PDE4D: variants seen among roughly 807,000 people sequenced by gnomAD.
PDE4D encodes 3',5'-cyclic-AMP phosphodiesterase 4D.
PDE4D carries 24 observed loss-of-function variants against 87.4 expected under a neutral mutation model. That is an observed-to-expected ratio of 0.27 (90% CI 0.20 to 0.39). The LOEUF is 0.39. Among genes scored for constraint, PDE4D ranks in the 10% least tolerant of loss-of-function variants. The pLI is 1.00. For missense variants in PDE4D, 714 were observed against 1,041.0 expected, an observed-to-expected ratio of 0.69 and a Z score of 4.32; for synonymous variants, 384 against 383.2, an observed-to-expected ratio of 1.00 and a Z score of -0.02.
intron 1 of PDE4D, among the ~76,000 whole-genome samples, chr5:60,422,337 G>A (rs917659832): frequency 6.6e-6 from 1 of 152,200 alleles, no homozygotes; most frequent in Non-Finnish European, 1.5e-5. Flanking sequence ...CAGACAAACA[G>A]CAGCTCTCTC....
At chr5:59,168,792 T>G (rs1418793672) in intron 5 of PDE4D, among the ~76,000 whole-genome samples, 1 of 152,204 alleles carries the variant, frequency 6.6e-6, no homozygotes, top group Non-Finnish European at 1.5e-5. Context: ...TACATGCCAG[T>G]ACATTTTAGG....
intron 3 of PDE4D, among the ~76,000 whole-genome samples, chr5:59,974,380 CT>C (rs1761090890): frequency 6.6e-6 from 1 of 152,060 alleles, no homozygotes; most frequent in African/African-American, 2.4e-5. Context: ...TTAAAATAAA[CT>C]AATACTTTGA....
rs554086919 is a variant in PDE4D at position 59,642,010 on chromosome 5, T to C, written c.455+251158A>G. ...ATTAGTAAACTGGTTAACTATCTAA[T>C]GGTTCATTCTTATAAAGGAATCACC... On this transcript the variant is annotated intron_variant, in intron 1 of 14. Transcript: ENST00000340635. Among the ~76,000 whole-genome samples, 4 of 152,302 alleles carry C rather than the reference T, an allele frequency of 2.6e-5. No homozygotes were observed. In the South Asian group the frequency reaches 8.3e-4, roughly 32 times the overall value.
At chr5:59,342,751 A>C (rs1267217075) in intron 1 of PDE4D, among the ~76,000 whole-genome samples, 1 of 152,036 alleles carries the variant, frequency 6.6e-6, no homozygotes, top group Admixed American at 6.6e-5. Context: ...TAAAATATAA[A>C]GTCAGAAGTA....
At chr5:59,609,566 C>T (rs138159938) in intron 1 of PDE4D, among the ~76,000 whole-genome samples, 82 of 152,274 alleles carry the variant, frequency 5.4e-4, no homozygotes, top group African/African-American at 1.9e-3. Context: ...ACTTTCCCGA[C>T]TGTGGTGTCT....
chr5:60,423,535 A>G (rs576026072), intron 1 of PDE4D, among the ~76,000 whole-genome samples: 1 of 152,344 alleles, frequency 6.6e-6, no homozygotes, highest in South Asian at 2.1e-4. Flanking sequence ...TCTGGGACAC[A>G]TTTAAAGCAC....
chr5:60,358,172 G>A lies in PDE4D; in HGVS notation c.-90+129770C>T, dbSNP rs182407263. On this transcript the variant is annotated intron_variant, in intron 1 of 16. Coordinates refer to the PDE4D transcript ENST00000502484. Reference sequence around the variant, plus strand: ...GCTATACTGTGGTGTTCCCTTGACCGCTTCCTAGTGACTGATGTGGTTGAG... The same window carrying A: ...GCTATACTGTGGTGTTCCCTTGACCACTTCCTAGTGACTGATGTGGTTGAG... Among the ~76,000 whole-genome samples, 250 of 152,258 alleles carry A rather than the reference G, an allele frequency of 1.6e-3. 4 individuals are homozygous for A. Among genetic ancestry groups the A allele is most frequent in the Non-Finnish European group, 4.6e-4 (31 of 68,026 alleles).
chr5:59,510,487 A>C (rs1810102079), intron 1 of PDE4D, among the ~76,000 whole-genome samples: 1 of 151,860 alleles, frequency 6.6e-6, no homozygotes. Context: ...AGCAACAAAA[A>C]AATTTTAAAG....
intron 1 of PDE4D, among the ~76,000 whole-genome samples, chr5:59,821,233 A>G (rs1255184963): frequency 8.2e-6 from 1 of 121,358 alleles, no homozygotes; most frequent in Non-Finnish European, 1.8e-5. Context: ...ATTCTGTCTC[A>G]ACAGCAACAA....
chr5:59,331,415 T>C (rs189063304), intron 1 of PDE4D, among the ~76,000 whole-genome samples: 1 of 152,268 alleles, frequency 6.6e-6, no homozygotes, highest in East Asian at 1.9e-4. Context: ...CTCCTTTTCT[T>C]ATAAAGACAC....
intron 5 of PDE4D, chr5:59,063,392 T>C (rs938263744): frequency 1.3e-5 from 2 of 152,224 alleles, no homozygotes; most frequent in Admixed American, 6.5e-5. Context: ...TATTGGCCAA[T>C]GTACTAACAA....
intron 1 of PDE4D, among the ~76,000 whole-genome samples, chr5:60,409,169 C>T (rs570682869): frequency 5.3e-5 from 8 of 152,228 alleles, no homozygotes; most frequent in Admixed American, 4.6e-4. Flanking sequence ...GGGATGGCTA[C>T]TTCGGTTAGG....
At chr5:60,275,943 T>C (rs1281830998) in intron 1 of PDE4D, among the ~76,000 whole-genome samples, 1 of 152,190 alleles carries the variant, frequency 6.6e-6, no homozygotes, top group Non-Finnish European at 1.5e-5. Flanking sequence ...GATTTTTCTA[T>C]TATCTTTCTC....
At chr5:59,998,495 A>G (rs545030012) in intron 2 of PDE4D, among the ~76,000 whole-genome samples, 21 of 152,272 alleles carry the variant, frequency 1.4e-4, no homozygotes, top group Non-Finnish European at 2.9e-5. Flanking sequence ...CAAAACCAAA[A>G]TGTTTAAAAA....
intron 1 of PDE4D, among the ~76,000 whole-genome samples, chr5:59,276,607 T>G (rs1764868977): frequency 6.6e-6 from 1 of 152,108 alleles, no homozygotes; most frequent in Admixed American, 6.6e-5. Context: ...CAGAACATAC[T>G]GGAATTTTAA....
chr5:60,480,027 C>T (rs1748608395), intron 1 of PDE4D, among the ~76,000 whole-genome samples: 1 of 152,152 alleles, frequency 6.6e-6, no homozygotes, highest in East Asian at 1.9e-4. Context: ...TAGAACATCG[C>T]CAGAGGGCTG....
chr5:59,679,807 A>C (rs1051431986), intron 1 of PDE4D, among the ~76,000 whole-genome samples: 3 of 152,116 alleles, frequency 2.0e-5, no homozygotes, highest in Non-Finnish European at 4.4e-5. Context: ...ATGATTAATA[A>C]TGTACATGTA....
intron 2 of PDE4D, among the ~76,000 whole-genome samples, chr5:60,098,134 G>A (rs1403687560): frequency 6.6e-6 from 1 of 151,780 alleles, no homozygotes; most frequent in Non-Finnish European, 1.5e-5. Flanking sequence ...CTTTGCCTTG[G>A]GAAAACTCTT....
rs1261948269 is a variant in PDE4D, at chr5:59,106,787, A to C, written c.809-67816T>G. On this transcript the variant is annotated intron_variant, in intron 5 of 14. Transcript: ENST00000340635. The stretch of plus-strand genomic sequence containing the variant: ...AAAACAACAACAACCAAAAAACACC[A>C]CACCATTTTACAAAGTTAAATATAT... Among the ~76,000 whole-genome samples the C allele has an allele frequency of 5.3e-5, 8 of 152,156 alleles. No homozygotes were observed. In the East Asian group the frequency reaches 1.3e-3, roughly 26 times the overall value.
Sources: allele counts gnomAD v4.1 joint callset (sites outside exome capture counted in the v4.1 genomes callset), GRCh38; gene constraint gnomAD v4.1.1; transcripts MANE v1.5; gene names NCBI Gene and HGNC (gene_info 2026-07-23, HGNC 2026-07-21).